Variants in TAFA1 observed in about 807,000 individuals in gnomAD.
The protein encoded by TAFA1 is chemokine-like protein TAFA-1.
Under a neutral mutation model 18.5 loss-of-function variants are expected in TAFA1, and 4 were observed. The observed-to-expected ratio is 0.22, with a 90% CI of 0.11 to 0.49. The LOEUF is 0.49. TAFA1 is among the 20% of genes least tolerant of loss of function. The pLI, the probability that TAFA1 is intolerant of heterozygous loss-of-function variation, is 0.98. For synonymous variants in TAFA1, 56 were observed against 55.2 expected (o/e 1.01, Z -0.06); for missense variants, 147 against 169.0 (o/e 0.87, Z 0.72).
At chr3:68,468,795 A>C (rs2071937583) in intron 3 of TAFA1, among the ~76,000 whole-genome samples, 1 of 152,174 alleles carries the variant, frequency 6.6e-6, no homozygotes, top group Non-Finnish European at 1.5e-5. Context: ...GCTACATCCA[A>C]CTTGAAGCCC....
At chr3:68,407,569 T>G (rs568471615) in intron 2 of TAFA1, among the ~76,000 whole-genome samples, 7 of 152,278 alleles carry the variant, frequency 4.6e-5, no homozygotes, top group East Asian at 3.9e-4. Context: ...ACCTTACTCT[T>G]AAACCAAGAC....
intron 3 of TAFA1, among the ~76,000 whole-genome samples, chr3:68,517,325 GT>G (rs2072938555): frequency 6.6e-6 from 1 of 152,116 alleles, no homozygotes; most frequent in African/African-American, 2.4e-5. Flanking sequence ...AGGTAATAAT[GT>G]TTCCTTTTTA....
At position 68,537,022 on chromosome 3, in the gene TAFA1, C is replaced by T. The variant is rs547444837; in HGVS notation, c.260-1734C>T. The stretch of plus-strand genomic sequence containing the variant: ...CAGGCCTTTGAAATTCTTCAAGGCC[C>T]TAGGCTAGGCGATAAACCCTAATGC... On this transcript the variant is annotated intron_variant, in intron 3 of 4. Transcript: ENST00000478136. 2.0e-5 allele frequency among the ~76,000 whole-genome samples: 3 copies of T among 152,224 alleles called. No homozygotes were observed. In the South Asian group the frequency reaches 6.2e-4, roughly 32 times the overall value.
In TAFA1 at chr3:68,440,047, C is replaced by G. The variant is rs900415430; in HGVS notation, c.259+22627C>G. On this transcript the variant is annotated intron_variant, in intron 3 of 4. Transcript: ENST00000478136. ...TGATATGGTTTAGCTGTGTCCCCCC[C>G]CTCCAAATCTCATCTCAAATTGTAA... Among the ~76,000 whole-genome samples the G allele has an allele frequency of 2.6e-5, 4 of 152,012 alleles. No individual in the cohort carries two copies. In the East Asian group the frequency reaches 7.8e-4, roughly 29 times the overall value.
chr3:68,066,249 A>C (rs1425995351), intron 2 of TAFA1, among the ~76,000 whole-genome samples: 1 of 152,108 alleles, frequency 6.6e-6, no homozygotes, highest in East Asian at 1.9e-4. Flanking sequence ...TGTGTTGGTG[A>C]GTGTATTGTT....
intron 2 of TAFA1, among the ~76,000 whole-genome samples, chr3:68,194,668 G>A (rs891212414): frequency 6.6e-6 from 1 of 151,786 alleles, no homozygotes; most frequent in Non-Finnish European, 1.5e-5. Context: ...CATTTCTGTT[G>A]TTGTAGGCCA....
chr3:68,147,858 A>G (rs144582378), intron 2 of TAFA1, among the ~76,000 whole-genome samples: 76 of 152,348 alleles, frequency 5.0e-4, no homozygotes, highest in Non-Finnish European at 9.8e-4. Flanking sequence ...TATTGTAAGC[A>G]TTAAATGTGG....
At chr3:67,999,058 C>T in the TAFA1 span, among the ~76,000 whole-genome samples, 30 of 152,134 alleles carry the variant, frequency 2.0e-4, no homozygotes, top group African/African-American at 7.0e-4. Context: ...CTGGTGTATT[C>T]TAGAACTGTG....
intron 2 of TAFA1, among the ~76,000 whole-genome samples, chr3:68,200,992 A>G (rs1184002066): frequency 2.6e-5 from 4 of 151,602 alleles, no homozygotes; most frequent in Admixed American, 2.6e-4. Context: ...TATACATTCA[A>G]TATATGCATT....
At chr3:68,246,300 TGAG>T (rs1438273091) in intron 2 of TAFA1, among the ~76,000 whole-genome samples, 3 of 152,024 alleles carry the variant, frequency 2.0e-5, no homozygotes, top group Non-Finnish European at 2.9e-5. Context: ...TTCTATAAAT[TGAG>T]AAGGTGGCCG....
chr3:68,108,114 G>A (rs1224409447), intron 2 of TAFA1, among the ~76,000 whole-genome samples: 2 of 152,044 alleles, frequency 1.3e-5, no homozygotes, highest in African/African-American at 4.8e-5. Flanking sequence ...ACCTTTTACA[G>A]AAGTCACCTT....
chr3:68,523,361 A>T (rs1294365962), intron 3 of TAFA1, among the ~76,000 whole-genome samples: 1 of 152,226 alleles, frequency 6.6e-6, no homozygotes, highest in African/African-American at 2.4e-5. Flanking sequence ...TACTGTGTAG[A>T]GAGAAAAAAA....
intron 3 of TAFA1, among the ~76,000 whole-genome samples, chr3:68,456,217 A>AGTC (rs2071662766): frequency 6.6e-6 from 1 of 152,148 alleles, no homozygotes; most frequent in Non-Finnish European, 1.5e-5. Flanking sequence ...TTTTCCCTTC[A>AGTC]AGACTCAGGG....
intron 2 of TAFA1, among the ~76,000 whole-genome samples, chr3:68,066,502 C>T (rs1559723837): frequency 6.6e-6 from 1 of 152,150 alleles, no homozygotes; most frequent in East Asian, 1.9e-4. Flanking sequence ...TTTTCTCTAT[C>T]TGAATGGTGC....
chr3:68,451,134 C>T (rs186746898), intron 3 of TAFA1, among the ~76,000 whole-genome samples: 54 of 152,196 alleles, frequency 3.5e-4, no homozygotes, highest in African/African-American at 1.1e-3. Flanking sequence ...AGTTTATGCC[C>T]GTTGTCCCAA....
chr3:68,063,545 T>C (rs1575597459), intron 2 of TAFA1, among the ~76,000 whole-genome samples: 1 of 152,204 alleles, frequency 6.6e-6, no homozygotes, highest in Admixed American at 6.6e-5. Context: ...AAACATTGAT[T>C]AAAAATATCT....
chr3:68,161,532 T>C (rs2065924942), intron 2 of TAFA1, among the ~76,000 whole-genome samples: 1 of 152,232 alleles, frequency 6.6e-6, no homozygotes, highest in African/African-American at 2.4e-5. Context: ...ATAATATTTC[T>C]ATCACTTGTA....
chr3:68,014,023 A>G (rs1704524001), intron 2 of TAFA1, among the ~76,000 whole-genome samples: 1 of 152,176 alleles, frequency 6.6e-6, no homozygotes, highest in Non-Finnish European at 1.5e-5. Context: ...ACTGGCATTT[A>G]CCTTTACTAT....
chr3:68,461,953 G>A (rs2071790481), intron 3 of TAFA1, among the ~76,000 whole-genome samples: 1 of 152,038 alleles, frequency 6.6e-6, no homozygotes, highest in South Asian at 2.1e-4. Flanking sequence ...AGGAAAAGTG[G>A]GGGGAAAATC....
Sources: gnomAD v4.1 joint callset for allele counts (sites outside exome capture counted in the v4.1 genomes callset) on GRCh38, gnomAD v4.1.1 for gene constraint, MANE v1.5 for transcripts, NCBI Gene and HGNC (gene_info 2026-07-23, HGNC 2026-07-21) for gene names.